PCDHA4: variants seen among roughly 807,000 people sequenced by gnomAD.
PCDHA4 encodes the protein protocadherin alpha 4.
Under a neutral mutation model 61.4 loss-of-function variants are expected in PCDHA4, and 49 were observed. That is an observed-to-expected ratio of 0.80 (90% CI 0.63 to 1.01). The LOEUF (loss-of-function observed/expected upper bound fraction) is 1.01, where lower values mean the gene tolerates loss of function less well. Ranked by LOEUF, PCDHA4 falls within the 50% of genes least tolerant of loss-of-function variation. The pLI is 0.00. For missense variants in PCDHA4, 1,254 were observed against 1,235.8 expected (o/e 1.01, Z -0.22); for synonymous variants, 590 against 550.3 (o/e 1.07, Z -1.01).
chr5:140,825,138 T>C (rs1371793732), intron 1 of PCDHA4: 3 of 151,814 alleles, frequency 2.0e-5, no homozygotes, highest in Admixed American at 1.3e-4. Flanking sequence ...AAAAAACATA[T>C]GAGTATTGAT....
At chr5:140,870,611 T>C in intron 1 of PCDHA4, 1 of 1,613,258 alleles carries the variant, frequency 6.2e-7, no homozygotes, top group Non-Finnish European at 8.5e-7. Flanking sequence ...GACCGCGCGC[T>C]GTCGAGCTAC....
intron 1 of PCDHA4, chr5:140,884,082 C>A (rs2059986179): frequency 1.2e-6 from 2 of 1,613,558 alleles, no homozygotes; most frequent in Non-Finnish European, 8.5e-7. Flanking sequence ...GGCTACAATG[C>A]GTGGCTTTCG....
At chr5:140,852,971 C>G (rs2150526229) in intron 1 of PCDHA4, 1 of 376,366 alleles carries the variant, frequency 2.7e-6, no homozygotes, top group African/African-American at 2.2e-5. Flanking sequence ...CTCCCCCTCC[C>G]GTGTTCACGC....
intron 1 of PCDHA4, chr5:140,850,572 C>T: frequency 6.3e-7 from 1 of 1,598,416 alleles, no homozygotes; most frequent in South Asian, 1.1e-5. Flanking sequence ...CGAGGTGACG[C>T]TGGTGGATGT....
intron 1 of PCDHA4, among the ~76,000 whole-genome samples, chr5:140,954,014 A>G (rs782347890): frequency 1.3e-5 from 2 of 152,038 alleles, no homozygotes; most frequent in African/African-American, 4.8e-5. Context: ...CAGCTCCCAC[A>G]CATAGTGGGA....
intron 1 of PCDHA4, chr5:140,856,374 T>A (rs568319142): frequency 1.3e-6 from 2 of 1,598,376 alleles, no homozygotes; most frequent in Middle Eastern, 3.3e-4. Context: ...GAGGTGATCG[T>A]GGACAGGCCG....
Position 140,870,844 on chromosome 5 carries a change from C to T in PCDHA4, c.2385+61272C>T. The T allele has an allele frequency of 3.1e-6, 5 of 1,613,832 alleles. No homozygotes were observed. The highest frequency in any genetic ancestry group is 4.2e-6 in the Non-Finnish European group (5 of 1,179,882). ...GGGAGGCGCAGTTAACAAGCTAGTA[C>T]CGCGGTCGGTGGGTGCGGGCCACGT... On this transcript the variant is annotated intron_variant, in intron 1 of 3. Transcript: ENST00000530339.
At chr5:140,890,627 G>A (rs1562851697) in intron 1 of PCDHA4, among the ~76,000 whole-genome samples, 1 of 152,056 alleles carries the variant, frequency 6.6e-6, no homozygotes, top group Non-Finnish European at 1.5e-5. Flanking sequence ...AGAAAATTAA[G>A]CATGTATCCT....
intron 3 of PCDHA4, among the ~76,000 whole-genome samples, chr5:141,004,523 A>G (rs934216851): frequency 3.3e-5 from 5 of 152,232 alleles, no homozygotes; most frequent in Admixed American, 2.0e-4. Flanking sequence ...CTCTGCCAAT[A>G]CACACAGCCA....
At chr5:140,857,449 C>T (rs2044602345) in intron 1 of PCDHA4, 1 of 1,598,510 alleles carries the variant, frequency 6.3e-7, no homozygotes, top group East Asian at 2.2e-5. Context: ...AGGAGAACAA[C>T]CCGCCAGGCT....
intron 1 of PCDHA4, chr5:140,864,553 T>C (rs575186227): frequency 3.0e-4 from 45 of 152,314 alleles, no homozygotes; most frequent in African/African-American, 1.1e-3. Context: ...TTCTTATAAT[T>C]TCATTTTAGG....
chr5:140,823,565 A>AC (rs1767768835), intron 1 of PCDHA4: 1 of 1,613,806 alleles, frequency 6.2e-7, no homozygotes, highest in Non-Finnish European at 8.5e-7. Flanking sequence ...CGCGCAGTGG[A>AC]CCCTGATTCG....
At chr5:140,956,474 C>G (rs1585669580) in intron 1 of PCDHA4, among the ~76,000 whole-genome samples, 1 of 152,160 alleles carries the variant, frequency 6.6e-6, no homozygotes, top group East Asian at 1.9e-4. Flanking sequence ...ATATGTTGAA[C>G]CAGTCTTGCA....
At chr5:140,914,930 T>C (rs1474677743) in intron 1 of PCDHA4, among the ~76,000 whole-genome samples, 1 of 150,038 alleles carries the variant, frequency 6.7e-6, no homozygotes, top group Non-Finnish European at 1.5e-5. Flanking sequence ...TTGTACTATG[T>C]TGTGAAAAGT....
At chr5:140,830,439 TGG>T (rs1771067037) in intron 1 of PCDHA4, 1 of 1,611,042 alleles carries the variant, frequency 6.2e-7, no homozygotes. Flanking sequence ...CCTATTATGA[TGG>T]GTAAGGCGGA....
intron 1 of PCDHA4, chr5:140,868,005 T>C (rs1405523098): frequency 6.6e-6 from 1 of 152,108 alleles, no homozygotes; most frequent in East Asian, 1.9e-4. Flanking sequence ...TATAACTGAA[T>C]TAGATTAAGG....
chr5:140,905,843 T>C (rs1554192236), intron 1 of PCDHA4, among the ~76,000 whole-genome samples: 1 of 152,126 alleles, frequency 6.6e-6, no homozygotes, highest in South Asian at 2.1e-4. Flanking sequence ...GGGAGTTTAT[T>C]AAGGAGTATT....
chr5:140,928,834 T>G, intron 1 of PCDHA4: 3 of 1,614,178 alleles, frequency 1.9e-6, no homozygotes, highest in Non-Finnish European at 2.5e-6. Flanking sequence ...ACCACTTTCC[T>G]CCTCTGTCAC....
intron 1 of PCDHA4, among the ~76,000 whole-genome samples, chr5:140,961,280 C>G (rs246003): frequency 0.56 from 85,679 of 152,048 alleles, 24,751 homozygotes; most frequent in African/African-American, 0.69. Flanking sequence ...TACCATGGCT[C>G]TGTTTCTTGA....
Sources: gnomAD v4.1 joint callset for allele counts (sites outside exome capture counted in the v4.1 genomes callset) on GRCh38, gnomAD v4.1.1 for gene constraint, MANE v1.5 for transcripts, NCBI Gene and HGNC (gene_info 2026-07-23, HGNC 2026-07-21) for gene names.